Variants in CSMD1 observed in about 807,000 individuals in gnomAD.
CSMD1 encodes the protein CUB and sushi domain-containing protein 1.
CSMD1 carries 213 observed loss-of-function variants against 417.5 expected under a neutral mutation model. The observed-to-expected ratio is 0.51, with a 90% CI of 0.46 to 0.57. The LOEUF is 0.57. Among genes scored for constraint, CSMD1 ranks in the 20% least tolerant of loss-of-function variants. The pLI is 0.00. For missense variants in CSMD1, 6,923 were observed against 4,529.7 expected, an observed-to-expected ratio of 1.53 and a Z score of -15.17; for synonymous variants, 2,862 against 1,736.8, an observed-to-expected ratio of 1.65 and a Z score of -16.11.
At chr8:3,920,489 G>C (rs1296692627) in intron 5 of CSMD1, among the ~76,000 whole-genome samples, 4 of 151,868 alleles carry the variant, frequency 2.6e-5, no homozygotes, top group Non-Finnish European at 4.4e-5. Flanking sequence ...TTTCCTAATT[G>C]ATCTGGCTAG....
chr8:3,324,525 G>A (rs1251044920), intron 23 of CSMD1, among the ~76,000 whole-genome samples: 1 of 145,276 alleles, frequency 6.9e-6, no homozygotes, highest in Non-Finnish European at 1.5e-5. Flanking sequence ...CCAGGAGGGG[G>A]AGTTTCTTCC....
intron 37 of CSMD1, among the ~76,000 whole-genome samples, chr8:3,180,604 T>C (rs185611387): frequency 1.3e-5 from 2 of 152,248 alleles, no homozygotes; most frequent in African/African-American, 4.8e-5. Context: ...CATTTACCCA[T>C]TAATTTGTCT....
intron 3 of CSMD1, among the ~76,000 whole-genome samples, chr8:4,054,621 C>T (rs557708616): frequency 2.6e-5 from 4 of 152,128 alleles, no homozygotes; most frequent in East Asian, 1.9e-4. Flanking sequence ...ATTTCCCCAT[C>T]GGACTGTAAA....
chr8:3,503,795 C>A (rs943382934), intron 10 of CSMD1, among the ~76,000 whole-genome samples: 1 of 151,938 alleles, frequency 6.6e-6, no homozygotes, highest in East Asian at 1.9e-4. Context: ...AAGCAGCCCC[C>A]CTCTTTCCTT....
intron 3 of CSMD1, among the ~76,000 whole-genome samples, chr8:4,119,363 T>C (rs1026301903): frequency 6.6e-6 from 1 of 152,212 alleles, no homozygotes; most frequent in African/African-American, 2.4e-5. Context: ...TAAGTGAACA[T>C]TTTTTAAAGA....
At chr8:4,826,118 G>C (rs920401075) in intron 1 of CSMD1, among the ~76,000 whole-genome samples, 1 of 152,034 alleles carries the variant, frequency 6.6e-6, no homozygotes, top group African/African-American at 2.4e-5. Flanking sequence ...ACATGATTCA[G>C]AAATGTCAGT....
chr8:4,420,982 T>C (rs1213096149), intron 2 of CSMD1, among the ~76,000 whole-genome samples: 6 of 152,178 alleles, frequency 3.9e-5, no homozygotes, highest in African/African-American at 1.4e-4. Context: ...TCTCAAATTG[T>C]ATTCATCTTT....
intron 7 of CSMD1, among the ~76,000 whole-genome samples, chr8:3,702,806 G>A (rs1800944274): frequency 6.6e-6 from 1 of 152,188 alleles, no homozygotes; most frequent in African/African-American, 2.4e-5. Flanking sequence ...TCCAGCCTGG[G>A]TGACAGAACG....
chr8:3,978,772 T>C (rs965153586), intron 5 of CSMD1, among the ~76,000 whole-genome samples: 3 of 152,188 alleles, frequency 2.0e-5, no homozygotes, highest in Non-Finnish European at 2.9e-5. Context: ...ACGGTGCTCA[T>C]GCTTTTAAGG....
intron 5 of CSMD1, among the ~76,000 whole-genome samples, chr8:3,859,611 G>T (rs1804553557): frequency 6.6e-6 from 1 of 152,130 alleles, no homozygotes; most frequent in Non-Finnish European, 1.5e-5. Flanking sequence ...TGTTATTTAT[G>T]GTGGGAGCTT....
chr8:3,251,379 T>C (rs1054753801), intron 26 of CSMD1, among the ~76,000 whole-genome samples: 6 of 152,154 alleles, frequency 3.9e-5, no homozygotes, highest in South Asian at 2.1e-4. Context: ...GTTGTAGATA[T>C]GTGGCATTAT....
At chr8:3,607,115 T>A (rs1801656305) in intron 8 of CSMD1, among the ~76,000 whole-genome samples, 1 of 152,216 alleles carries the variant, frequency 6.6e-6, no homozygotes, top group Non-Finnish European at 1.5e-5. Context: ...AATATTTTTA[T>A]TTCACAAGCT....
At chr8:3,206,951 T>C (rs113512636) in intron 30 of CSMD1, among the ~76,000 whole-genome samples, 7 of 152,138 alleles carry the variant, frequency 4.6e-5, no homozygotes, top group African/African-American at 1.4e-4. Flanking sequence ...CTGTTTAACA[T>C]AGGGCAATGA....
At position 3,199,738 on chromosome 8, in the gene CSMD1, G is replaced by A. The variant is rs1393838043; in HGVS notation, c.5170C>T (p.Arg1724Cys). Residue 1724 changes from arginine (R) to cysteine (C), a missense_variant, in exon 33 of 70, where the codon CGC (arginine) becomes TGC (cysteine). Coordinates refer to ENST00000635120, the MANE Select transcript of CSMD1 (RefSeq NM_033225.6). ...RFSAKSGASA[R>C]GFHFVYQAVP... ...CCTTGATACACGAAGTGGAAGCCGC[G>A]GGCAGAGGCACCGCTCTTTGCACTG... 6 of 1,588,342 alleles carry A rather than the reference G, an allele frequency of 3.8e-6. No individual in the cohort carries two copies. The highest frequency in any genetic ancestry group is 3.5e-5 in the South Asian group (3 of 86,606).
At chr8:3,240,796 T>C (rs1256713368) in intron 26 of CSMD1, among the ~76,000 whole-genome samples, 1 of 152,156 alleles carries the variant, frequency 6.6e-6, no homozygotes, top group African/African-American at 2.4e-5. Context: ...AACAATCTGG[T>C]TGATAAGGCG....
At chr8:4,252,888 G>C (rs1001753743) in intron 3 of CSMD1, among the ~76,000 whole-genome samples, 1 of 152,166 alleles carries the variant, frequency 6.6e-6, no homozygotes, top group Non-Finnish European at 1.5e-5. Flanking sequence ...AGAATTTCAG[G>C]TGCCTTGTTC....
Position 4,443,498 on chromosome 8 carries a change from C to T in CSMD1, c.303-23433G>A, listed in dbSNP as rs547674537. ...TTCATCTTATGTGTTTCTTTATATG[C>T]CACATATATTAACACCAGAATACAG... On this transcript the variant is annotated intron_variant, in intron 2 of 69. Coordinates refer to ENST00000635120, the MANE Select transcript of CSMD1 (RefSeq NM_033225.6). Among the ~76,000 whole-genome samples the T allele has an allele frequency of 3.3e-5, 5 of 152,188 alleles. No homozygotes were observed. The East Asian group carries it at 7.7e-4, about 24-fold the overall frequency.
At chr8:3,634,373 T>C (rs1315291710) in intron 7 of CSMD1, among the ~76,000 whole-genome samples, 1 of 152,130 alleles carries the variant, frequency 6.6e-6, no homozygotes, top group African/African-American at 2.4e-5. Flanking sequence ...TAAACTTCTA[T>C]AGGCACCGAG....
At chr8:3,997,295 A>G (rs1175401887) in intron 5 of CSMD1, among the ~76,000 whole-genome samples, 2 of 152,188 alleles carry the variant, frequency 1.3e-5, no homozygotes. Context: ...TCACTCCTAA[A>G]TAGGCGGTAC....
Sources: gnomAD v4.1 joint callset for allele counts (sites outside exome capture counted in the v4.1 genomes callset) on GRCh38, gnomAD v4.1.1 for gene constraint, MANE v1.5 for transcripts, NCBI Gene and HGNC (gene_info 2026-07-23, HGNC 2026-07-21) for gene names.